ZPLD1: variants seen among roughly 807,000 people sequenced by gnomAD.
ZPLD1 encodes zona pellucida-like domain-containing protein 1.
In ZPLD1, 34 loss-of-function variants were observed where a neutral mutation model predicts 47.2. The observed-to-expected ratio is 0.72, with a 90% confidence interval of 0.55 to 0.96. The LOEUF is 0.96. ZPLD1 is among the 40% of genes least tolerant of loss of function. The probability of loss-of-function intolerance (pLI) is 0.00; values close to 1 mark genes in which losing one functional copy is unlikely to be tolerated. For synonymous variants in ZPLD1, 176 were observed against 186.2 expected (o/e 0.95, Z 0.45); for missense variants, 512 against 505.8 (o/e 1.01, Z -0.12).
At chr3:102,469,202 A>G (rs1707645569) in intron 9 of ZPLD1, 67 bp downstream of exon 9, 1 of 1,505,562 alleles carries the variant, frequency 6.6e-7, no homozygotes, top group Non-Finnish European at 9.0e-7. Context: ...ATCAAATGTC[A>G]GAAACTAAGT....
Position 102,459,159 on chromosome 3 carries a change from G to A in ZPLD1, c.582+1306G>A, listed in dbSNP as rs1331321831. 2.1e-5 allele frequency among the ~76,000 whole-genome samples: 3 copies of A among 142,960 alleles called. No individual in the cohort carries two copies. The East Asian group carries it at 6.2e-4, about 29-fold the overall frequency. The allele number at this position is 142,960 out of a possible 152,430, so 93.8% of individuals were successfully genotyped here. ...TACTTGGTTCTACAATACTCAGCAAGCGTGTGCCAGTATTCACTTTTGATA... is the reference window on the plus strand; with the variant it reads ...TACTTGGTTCTACAATACTCAGCAAACGTGTGCCAGTATTCACTTTTGATA... On this transcript the variant is annotated intron_variant, in intron 6 of 11. Coordinates refer to ENST00000466937, the MANE Select transcript of ZPLD1 (RefSeq NM_001329788.2).
chr3:102,462,369 T>C lies in ZPLD1; in HGVS notation c.671T>C (p.Leu224Ser). Reference sequence around the variant, plus strand: ...TTTGCAGCTGTCCAAGCCACTAATTTGGATGGCAGGTAATTTCAAACTCTT... The same window carrying C: ...TTTGCAGCTGTCCAAGCCACTAATTCGGATGGCAGGTAATTTCAAACTCTT... ...KVFAAVQATNLDGRWNVLMDY... is the reference protein window; with the variant it reads ...KVFAAVQATNSDGRWNVLMDY... Residue 224 changes from leucine (L) to serine (S), a missense_variant, in exon 7 of 12, where the codon TTG (leucine) becomes TCG (serine). Leu to Ser is a moderately radical substitution (Grantham distance 145, BLOSUM62 -2). Coordinates refer to ENST00000466937, the MANE Select transcript of ZPLD1 (RefSeq NM_001329788.2). 11 of 1,607,278 alleles carry C rather than the reference T, an allele frequency of 6.8e-6. No homozygotes were observed. Among genetic ancestry groups the C allele is most frequent in the Non-Finnish European group, 9.3e-6 (11 of 1,176,572 alleles).
chr3:102,473,049 G>A (rs537143123), intron 10 of ZPLD1, among the ~76,000 whole-genome samples: 4 of 152,094 alleles, frequency 2.6e-5, no homozygotes, highest in East Asian at 1.9e-4. Context: ...CAGAGGAATC[G>A]CCCTTTATAA....
chr3:102,446,715 T>C (rs1422853539), intron 3 of ZPLD1, among the ~76,000 whole-genome samples: 1 of 152,200 alleles, frequency 6.6e-6, no homozygotes, highest in East Asian at 1.9e-4. Context: ...ATTTTATTTC[T>C]TCCTAACAAT....
intron 7 of ZPLD1, among the ~76,000 whole-genome samples, chr3:102,463,723 T>TAAAC (rs1707544593): frequency 1.3e-5 from 2 of 152,030 alleles, no homozygotes; most frequent in South Asian, 4.2e-4. Flanking sequence ...TAACAAGTAA[T>TAAAC]AAACAATTAT....
chr3:102,421,636 T>A (rs548073346), intron 8 of ZPLD1, among the ~76,000 whole-genome samples: 1 of 151,970 alleles, frequency 6.6e-6, no homozygotes, highest in Non-Finnish European at 1.5e-5. Flanking sequence ...GTGCCATCAC[T>A]GTCAGTGAAG....
At chr3:102,424,398 A>G (rs1002310364) in intron 8 of ZPLD1, among the ~76,000 whole-genome samples, 1 of 152,174 alleles carries the variant, frequency 6.6e-6, no homozygotes. Context: ...ACCATACTAT[A>G]TATTTATAAC....
intron 10 of ZPLD1, among the ~76,000 whole-genome samples, chr3:102,473,274 T>A (rs890709423): frequency 6.6e-6 from 1 of 152,182 alleles, no homozygotes. Flanking sequence ...CCAGTAAAGA[T>A]AAATAAGTAG....
chr3:102,449,703 G>A (rs538762189), intron 3 of ZPLD1, among the ~76,000 whole-genome samples: 12 of 152,200 alleles, frequency 7.9e-5, no homozygotes, highest in Admixed American at 3.3e-4. Context: ...ATAATTATTA[G>A]CATTATTGTT....
At chr3:102,386,873 C>G (rs1706430029) in intron 6 of ZPLD1, among the ~76,000 whole-genome samples, 1 of 152,038 alleles carries the variant, frequency 6.6e-6, no homozygotes, top group South Asian at 2.1e-4. Context: ...CCCTAGACTC[C>G]CTCTCCAGAA....
intron 6 of ZPLD1, among the ~76,000 whole-genome samples, chr3:102,460,770 A>T (rs1707494708): frequency 6.6e-6 from 1 of 151,984 alleles, no homozygotes; most frequent in Non-Finnish European, 1.5e-5. Context: ...TCACAGGTGG[A>T]TCATATGTCA....
intron 6 of ZPLD1, among the ~76,000 whole-genome samples, chr3:102,386,979 T>C (rs1174055755): frequency 6.6e-6 from 1 of 152,238 alleles, no homozygotes; most frequent in Non-Finnish European, 1.5e-5. Context: ...TATTTTTTGA[T>C]GTCTATTTCT....
At chr3:102,461,481 A>G (rs1047284232) in intron 6 of ZPLD1, among the ~76,000 whole-genome samples, 3 of 152,046 alleles carry the variant, frequency 2.0e-5, no homozygotes, top group Non-Finnish European at 2.9e-5. Flanking sequence ...GAAAAGTAAA[A>G]ATGAAGTCCT....
intron 7 of ZPLD1, among the ~76,000 whole-genome samples, chr3:102,412,001 G>T (rs535118507): frequency 6.6e-6 from 1 of 151,838 alleles, no homozygotes; most frequent in Middle Eastern, 3.4e-3. Context: ...TCCAGTGAGG[G>T]GTTGATGTAT....
intron 8 of ZPLD1, among the ~76,000 whole-genome samples, chr3:102,422,405 G>T (rs1706891431): frequency 6.6e-6 from 1 of 152,008 alleles, no homozygotes; most frequent in Admixed American, 6.6e-5. Context: ...CTACAATGTT[G>T]TTATGGCATC....
chr3:102,396,438 A>T (rs1287711817), intron 7 of ZPLD1, among the ~76,000 whole-genome samples: 5 of 152,122 alleles, frequency 3.3e-5, no homozygotes, highest in African/African-American at 9.7e-5. Flanking sequence ...TTTCACGCAG[A>T]CTAGTTTTCT....
intron 4 of ZPLD1, among the ~76,000 whole-genome samples, 194 bp from the exon 5 acceptor site, chr3:102,455,999 A>G (rs566323513): frequency 6.6e-6 from 1 of 152,292 alleles, no homozygotes; most frequent in African/African-American, 2.4e-5. Flanking sequence ...TTTGGTAAAT[A>G]TGAAGTTTCA....
At chr3:102,439,599 C>T (rs1266130187) in intron 3 of ZPLD1, among the ~76,000 whole-genome samples, 2 of 152,094 alleles carry the variant, frequency 1.3e-5, no homozygotes, top group Admixed American at 6.6e-5. Context: ...TGGAAAACTT[C>T]AAACATACAA....
chr3:102,448,047 C>G (rs901452200), intron 3 of ZPLD1, among the ~76,000 whole-genome samples: 4 of 152,068 alleles, frequency 2.6e-5, no homozygotes, highest in African/African-American at 9.7e-5. Context: ...TTTAGAAAAT[C>G]TGAGATACAT....
Sources: allele counts gnomAD v4.1 joint callset (sites outside exome capture counted in the v4.1 genomes callset), GRCh38; gene constraint gnomAD v4.1.1; transcripts MANE v1.5; gene names NCBI Gene and HGNC (gene_info 2026-07-23, HGNC 2026-07-21).